SDSL: variants seen among roughly 807,000 people sequenced by gnomAD.
SDSL encodes serine dehydratase like, also known as serine dehydratase-like.
Under a neutral mutation model 27.6 loss-of-function variants are expected in SDSL, and 26 were observed. The ratio of observed to expected loss-of-function variants is 0.94; its 90% confidence interval spans 0.69 to 1.31. The LOEUF (loss-of-function observed/expected upper bound fraction) is 1.31. Among genes scored for constraint, SDSL ranks in the 50% most tolerant of loss-of-function variants. The probability of loss-of-function intolerance (pLI) is 0.00; values close to 1 mark genes in which losing one functional copy is unlikely to be tolerated. For missense variants in SDSL, 431 were observed against 423.5 expected, an observed-to-expected ratio of 1.02 and a Z score of -0.16; for synonymous variants, 196 against 180.6, an observed-to-expected ratio of 1.09 and a Z score of -0.69.
At chr12:113,436,626 T>C (rs906134749) in intron 6 of SDSL, 125 bp from the exon 7 acceptor site, 4 of 1,027,064 alleles carry the variant, frequency 3.9e-6, no homozygotes, top group African/African-American at 3.3e-5. Context: ...CTGTGACTTA[T>C]AATGCTGAGC....
chr12:113,434,321 G>A lies in SDSL; in HGVS notation c.443+99G>A, dbSNP rs1957965430. On this transcript the variant is annotated intron_variant, in intron 5 of 7. Coordinates refer to ENST00000403593, the MANE Select transcript of SDSL (RefSeq NM_001304993.2). ...CAGAAGGAGAAACTGAGGCCCAGAG[G>A]GGAGAAGAGGCTTCAAAGCCAGGCA... 4.5e-6 allele frequency: 4 copies of A among 890,562 alleles called. No individual in the cohort carries two copies. In the South Asian group the frequency reaches 6.1e-5, roughly 14 times the overall value. 55.2% of individuals were successfully genotyped at this position (890,562 alleles called of 1,614,324 possible). A position where few individuals can be genotyped will look rare whatever the true frequency, so the allele number is the denominator to read the frequency against.
chr12:113,432,265 TTTCTTTCTTTCTTTC>T lies in SDSL; in HGVS notation c.355-1866_355-1852del, dbSNP rs1203399389. ...CTTTCTTTCTTTCTTTCTTTCTTTCTTTCTTTCTTTCTTTCTTTCTTTCTTTCTCTCTCTCTCTTT... is the reference window on the plus strand; with the variant it reads ...CTTTCTTTCTTTCTTTCTTTCTTTCTTTTCTTTCTTTCTCTCTCTCTCTTT... On this transcript the variant is annotated intron_variant, in intron 4 of 7. Transcript: ENST00000403593. 1.5e-4 allele frequency among the ~76,000 whole-genome samples: 21 copies of T among 137,376 alleles called. No homozygotes were observed. In the South Asian group the frequency reaches 5.0e-3, roughly 33 times the overall value. 90.1% of individuals were successfully genotyped at this position (137,376 alleles called of 152,430 possible).
intron 1 of SDSL, chr12:113,426,153 C>T (rs1474946858): frequency 1.1e-5 from 5 of 455,880 alleles, no homozygotes; most frequent in South Asian, 7.7e-5. Flanking sequence ...CCCTCACCTC[C>T]TGCCCCAAAC....
intron 5 of SDSL, 76 bp downstream of exon 5, chr12:113,434,298 G>A (rs1957965160): frequency 5.1e-6 from 6 of 1,182,322 alleles, no homozygotes; most frequent in Non-Finnish European, 7.2e-6. Context: ...CCATTGGGCA[G>A]AAGGAGAAAC....
intron 4 of SDSL, among the ~76,000 whole-genome samples, chr12:113,432,677 C>T (rs180885207): frequency 1.1e-3 from 160 of 152,272 alleles, no homozygotes; most frequent in African/African-American, 3.6e-3. Flanking sequence ...CTCTCTCTCT[C>T]CCCACTTTTG....
chr12:113,423,933 C>T (rs1013148758), intron 1 of SDSL, among the ~76,000 whole-genome samples: 1 of 152,154 alleles, frequency 6.6e-6, no homozygotes, highest in Non-Finnish European at 1.5e-5. Flanking sequence ...TCACAATAGT[C>T]CTGCCATGTA....
chr12:113,432,204 GTTTGCTTCTTTCTTTCTTTC>G (rs1957930331), intron 4 of SDSL, among the ~76,000 whole-genome samples: 1 of 151,028 alleles, frequency 6.6e-6, no homozygotes, highest in African/African-American at 2.4e-5. Context: ...AGGTTTGTTT[GTTTGCTTCTTTCTTTCTTTC>G]TTTCTTTCTT....
chr12:113,435,468 C>T lies in SDSL; in HGVS notation c.583C>T (p.Pro195Ser). 1 of 1,614,094 alleles carries T rather than the reference C, an allele frequency of 6.2e-7. No individual in the cohort carries two copies. The highest frequency in any genetic ancestry group is 8.5e-7 in the Non-Finnish European group (1 of 1,179,996). The change falls in exon 6 of 8, where the codon CCC (proline) becomes TCC (serine). Residue 195 changes from proline (P) to serine (S), a missense_variant. Coordinates refer to ENST00000403593, the MANE Select transcript of SDSL (RefSeq NM_001304993.2). ...GLLEVGWQHV[P>S]IIAMETHGAH... ...GCTGGAGGTGGGCTGGCAGCATGTA[C>T]CCATCATTGCCATGGAGACCCATGG...
chr12:113,428,048 G>A lies in SDSL; in HGVS notation c.66G>A (p.Glu22=). The A allele has an allele frequency of 3.7e-6, 6 of 1,614,014 alleles. No individual in the cohort carries two copies. Among genetic ancestry groups the A allele is most frequent in the Non-Finnish European group, 5.1e-6 (6 of 1,179,972 alleles). The change falls in exon 2 of 8, where the codon GAG becomes GAA. Residue 22 remains glutamate (E), a synonymous_variant. Coordinates refer to ENST00000403593, the MANE Select transcript of SDSL (RefSeq NM_001304993.2). ...EPFHVVTPLL[E]SWALSQVAGM... ...TTCACGTGGTCACACCTCTGTTGGAGAGCTGGGCGCTGTCCCAGGTGGCGG... is the reference window on the plus strand; with the variant it reads ...TTCACGTGGTCACACCTCTGTTGGAAAGCTGGGCGCTGTCCCAGGTGGCGG...
At chr12:113,433,365 C>T (rs1218375877) in intron 4 of SDSL, among the ~76,000 whole-genome samples, 1 of 152,156 alleles carries the variant, frequency 6.6e-6, no homozygotes, top group African/African-American at 2.4e-5. Flanking sequence ...CATTGTCTAC[C>T]ATTTAGTTTC....
intron 1 of SDSL, among the ~76,000 whole-genome samples, chr12:113,424,924 C>T (rs1432675484): frequency 5.3e-5 from 8 of 151,956 alleles, no homozygotes; most frequent in African/African-American, 7.3e-5. Flanking sequence ...TTAGTAGAGA[C>T]GGGGTTTCAC....
intron 1 of SDSL, among the ~76,000 whole-genome samples, chr12:113,424,147 C>T (rs1258992966): frequency 7.9e-5 from 12 of 152,096 alleles, no homozygotes; most frequent in Admixed American, 7.2e-4. Context: ...CTCAGCCTCC[C>T]GAGTAGCTGG....
chr12:113,424,741 CTT>C (rs535956923), intron 1 of SDSL, among the ~76,000 whole-genome samples: 3 of 144,662 alleles, frequency 2.1e-5, no homozygotes, highest in African/African-American at 2.5e-5. Context: ...CTCTCTCTCT[CTT>C]TTTTTTTTTT....
chr12:113,437,765 G>A (rs903918473), intron 7 of SDSL, 121 bp from the exon 8 acceptor site: 118 of 866,410 alleles, frequency 1.4e-4, no homozygotes, highest in Non-Finnish European at 2.0e-4. Flanking sequence ...TGCCAGCAGA[G>A]CAGATGAATG....
At chr12:113,427,912 G>A (rs190700301) in intron 1 of SDSL, 50 bp from the exon 2 acceptor site, 2 of 1,518,794 alleles carry the variant, frequency 1.3e-6, no homozygotes, top group East Asian at 2.4e-5. Flanking sequence ...CCTGGTTAAG[G>A]GAACTCTTGA....
intron 1 of SDSL, among the ~76,000 whole-genome samples, chr12:113,425,358 C>T (rs987515709): frequency 3.3e-5 from 5 of 152,078 alleles, no homozygotes; most frequent in Non-Finnish European, 7.4e-5. Context: ...TGTGCCCTGC[C>T]CGAGGGGGCC....
At chr12:113,426,019 A>T in intron 1 of SDSL, 1 of 383,066 alleles carries the variant, frequency 2.6e-6, no homozygotes, top group Non-Finnish European at 5.3e-6. Context: ...CACCACCACC[A>T]CCTCCACCAC....
At chr12:113,432,277 T>G (rs1305899057) in intron 4 of SDSL, among the ~76,000 whole-genome samples, 2 of 138,822 alleles carry the variant, frequency 1.4e-5, no homozygotes, top group African/African-American at 5.8e-5. Context: ...TCTTTCTTTC[T>G]TTCTTTCTTT....
chr12:113,425,640 T>C (rs1288183397), intron 1 of SDSL: 3 of 455,048 alleles, frequency 6.6e-6, no homozygotes, highest in Non-Finnish European at 1.3e-5. Context: ...TCTCATTTCC[T>C]CCATCTCTTC....
Sources: allele counts gnomAD v4.1 joint callset (sites outside exome capture counted in the v4.1 genomes callset), GRCh38; gene constraint gnomAD v4.1.1; transcripts MANE v1.5; gene names NCBI Gene and HGNC (gene_info 2026-07-23, HGNC 2026-07-21).